The following RBPJ variants were observed in gnomAD, a reference collection of about 807,000 sequenced individuals.
The protein encoded by RBPJ is recombining binding protein suppressor of hairless.
RBPJ carries 9 observed loss-of-function variants against 67.8 expected under a neutral mutation model. That is an observed-to-expected ratio of 0.13 (90% CI 0.08 to 0.23). The LOEUF (loss-of-function observed/expected upper bound fraction) is 0.23, where lower values mean the gene tolerates loss of function less well. Ranked by LOEUF, RBPJ falls within the 10% of genes least tolerant of loss-of-function variation. RBPJ has a pLI of 1.00. For missense variants in RBPJ, 305 were observed against 595.6 expected, an observed-to-expected ratio of 0.51 and a Z score of 5.08; for synonymous variants, 198 against 203.3, an observed-to-expected ratio of 0.97 and a Z score of 0.22.
chr4:26,327,787 A>C (rs1393432269), intron 1 of RBPJ, among the ~76,000 whole-genome samples: 1 of 152,050 alleles, frequency 6.6e-6, no homozygotes, highest in Non-Finnish European at 1.5e-5. Context: ...TGAGGCTGCA[A>C]CGAATGGTGA....
the RBPJ span, among the ~76,000 whole-genome samples, chr4:26,154,431 G>T: frequency 6.6e-6 from 1 of 152,158 alleles, no homozygotes; most frequent in Non-Finnish European, 1.5e-5. Flanking sequence ...GAATTTACCA[G>T]GGAAACACCG....
At chr4:26,380,741 A>G (rs112156367) in intron 1 of RBPJ, among the ~76,000 whole-genome samples, 2 of 152,022 alleles carry the variant, frequency 1.3e-5, no homozygotes, top group Admixed American at 1.3e-4. Context: ...GTTTAGTTTA[A>G]TTATGAGTTT....
intron 1 of RBPJ, among the ~76,000 whole-genome samples, chr4:26,296,114 GGACTAT>G (rs1200161955): frequency 6.6e-6 from 1 of 152,076 alleles, no homozygotes; most frequent in Non-Finnish European, 1.5e-5. Flanking sequence ...GAGTTTAGAG[GGACTAT>G]TGGATTCCTT....
At chr4:26,316,870 A>C (rs1722670308), upstream of RBPJ, among the ~76,000 whole-genome samples, 1 of 121,408 alleles carries the variant, frequency 8.2e-6, no homozygotes, top group Non-Finnish European at 1.6e-5. Flanking sequence ...AAACCAACAC[A>C]GGTGGTTGCT....
At chr4:26,174,765 C>T (rs1019051612) in intron 1 of RBPJ, among the ~76,000 whole-genome samples, 6 of 151,990 alleles carry the variant, frequency 3.9e-5, no homozygotes, top group Admixed American at 1.3e-4. Context: ...CCACTGTGCC[C>T]GGCCCAGATG....
At chr4:26,113,729 G>T in the RBPJ span, 1 of 288,082 alleles carries the variant, frequency 3.5e-6, no homozygotes, top group South Asian at 4.5e-5. Context: ...AACTCACATG[G>T]GAGACAAACC....
intron 1 of RBPJ, among the ~76,000 whole-genome samples, chr4:26,353,294 G>GA (rs1466631749): frequency 6.6e-6 from 1 of 152,168 alleles, no homozygotes; most frequent in African/African-American, 2.4e-5. Flanking sequence ...TCACAGCAAG[G>GA]AAACATACAT....
chr4:26,333,378 G>A (rs2109362557), intron 1 of RBPJ, among the ~76,000 whole-genome samples: 1 of 152,308 alleles, frequency 6.6e-6, no homozygotes, highest in Non-Finnish European at 1.5e-5. Context: ...CAACTACAAT[G>A]TGAGGGAAGT....
intron 2 of RBPJ, 71 bp from the exon 3 acceptor site, chr4:26,406,104 A>T: frequency 2.1e-6 from 2 of 938,330 alleles, no homozygotes; most frequent in Non-Finnish European, 1.7e-6. Flanking sequence ...CTCATTACAG[A>T]GCGTAGTAAT....
At chr4:26,272,824 G>A (rs944525545) in intron 1 of RBPJ, 1 of 395,112 alleles carries the variant, frequency 2.5e-6, no homozygotes, top group Non-Finnish European at 5.0e-6. Flanking sequence ...TCTGCATAAT[G>A]TACTCATTGT....
At chr4:26,141,227 A>G in the RBPJ span, among the ~76,000 whole-genome samples, 1 of 152,254 alleles carries the variant, frequency 6.6e-6, no homozygotes, top group Admixed American at 6.5e-5. Flanking sequence ...TTGCTCTTGC[A>G]GTTGTTATTC....
intron 1 of RBPJ, among the ~76,000 whole-genome samples, chr4:26,372,559 A>G (rs1256115379): frequency 2.0e-5 from 3 of 152,182 alleles, no homozygotes; most frequent in Non-Finnish European, 4.4e-5. Flanking sequence ...ACATAACATG[A>G]ATGACTCAAA....
chr4:26,273,503 G>A (rs1228463321), intron 1 of RBPJ, among the ~76,000 whole-genome samples: 1 of 152,220 alleles, frequency 6.6e-6, no homozygotes, highest in African/African-American at 2.4e-5. Flanking sequence ...GATCTTTCCA[G>A]CTCTAGCTGC....
chr4:26,115,630 C>T, the RBPJ span, among the ~76,000 whole-genome samples: 5 of 152,106 alleles, frequency 3.3e-5, no homozygotes, highest in Non-Finnish European at 7.4e-5. Context: ...ATGATCCACC[C>T]GCCTCGGCCT....
At chr4:26,115,117 C>T in the RBPJ span, among the ~76,000 whole-genome samples, 1 of 152,162 alleles carries the variant, frequency 6.6e-6, no homozygotes, top group Non-Finnish European at 1.5e-5. Context: ...TCAAAATCGG[C>T]AAACTATAAA....
At chr4:26,178,949 G>T (rs912635579) in intron 1 of RBPJ, among the ~76,000 whole-genome samples, 1 of 152,164 alleles carries the variant, frequency 6.6e-6, no homozygotes, top group Admixed American at 6.5e-5. Context: ...GGAAGCCAAG[G>T]TTCCTGTCTT....
intron 3 of RBPJ, among the ~76,000 whole-genome samples, chr4:26,412,769 C>G (rs1203046664): frequency 1.3e-5 from 2 of 152,264 alleles, no homozygotes; most frequent in African/African-American, 4.8e-5. Flanking sequence ...TTGATGCCTT[C>G]TCAACCTCCT....
At chr4:26,402,284 C>T (rs1732910524) in intron 2 of RBPJ, among the ~76,000 whole-genome samples, 1 of 152,190 alleles carries the variant, frequency 6.6e-6, no homozygotes, top group Admixed American at 6.5e-5. Context: ...CAGACTGCAT[C>T]TCTGGTACCC....
chr4:26,378,013 A>G (rs1190117355), intron 1 of RBPJ, among the ~76,000 whole-genome samples: 1 of 152,114 alleles, frequency 6.6e-6, no homozygotes, highest in African/African-American at 2.4e-5. Context: ...GAGATGAGAA[A>G]TGTAGACCTC....
Sources: allele counts gnomAD v4.1 joint callset (sites outside exome capture counted in the v4.1 genomes callset), GRCh38; gene constraint gnomAD v4.1.1; transcripts MANE v1.5; gene names NCBI Gene and HGNC (gene_info 2026-07-23, HGNC 2026-07-21).